The following FBP2 variants were observed in gnomAD, a reference collection of about 807,000 sequenced individuals.
FBP2 encodes the protein fructose-1,6-bisphosphatase isozyme 2.
Under a neutral mutation model 31.6 loss-of-function variants are expected in FBP2, and 27 were observed. The observed-to-expected ratio is 0.85, with a 90% confidence interval of 0.63 to 1.18. The LOEUF (loss-of-function observed/expected upper bound fraction) is 1.18. Ranked by LOEUF, FBP2 falls within the 50% of genes most tolerant of loss-of-function variation. FBP2 has a pLI of 0.00. For synonymous variants in FBP2, 168 were observed against 179.8 expected (o/e 0.93, Z 0.53); for missense variants, 421 against 436.1 (o/e 0.97, Z 0.31).
chr9:94,593,447 A>G (rs991626959), intron 1 of FBP2, 110 bp downstream of exon 1: 10 of 1,006,226 alleles, frequency 9.9e-6, no homozygotes, highest in Non-Finnish European at 9.8e-6. Flanking sequence ...TCTAGGGCAC[A>G]CAGGGCCAAT....
At chr9:94,582,850 C>CTTT (rs1174064928) in intron 3 of FBP2, among the ~76,000 whole-genome samples, 19 of 107,534 alleles carry the variant, frequency 1.8e-4, no homozygotes, top group African/African-American at 3.2e-4. Flanking sequence ...TCCCAGCCCC[C>CTTT]TTTTTTTTTT....
chr9:94,570,191 CT>C (rs1233783983), intron 4 of FBP2: 1 of 152,224 alleles, frequency 6.6e-6, no homozygotes, highest in African/African-American at 2.4e-5. Flanking sequence ...GCCTGGGAAT[CT>C]TTGAATTGGG....
intron 6 of FBP2, among the ~76,000 whole-genome samples, chr9:94,563,120 G>C (rs1291768832): frequency 6.6e-6 from 1 of 152,224 alleles, no homozygotes; most frequent in African/African-American, 2.4e-5. Context: ...GGTAAGACCA[G>C]TGAGAATCAC....
At position 94,570,127 on chromosome 9, in the gene FBP2, CCA is replaced by C. The variant is rs538448106; in HGVS notation, c.567+1333_567+1334del. The C allele has an allele frequency of 4.6e-5, 7 of 152,346 alleles. No homozygotes were observed. In the East Asian group the frequency reaches 1.2e-3, roughly 25 times the overall value. 9.4% of individuals were successfully genotyped at this position (152,346 alleles called of 1,614,324 possible). On this transcript the variant is annotated intron_variant, in intron 4 of 6. Coordinates refer to ENST00000375337, the MANE Select transcript of FBP2 (RefSeq NM_003837.4). ...GACAAGCTCTGGTGCCCACCTATGT[CCA>C]GACTGGGCCCTGCTTTCATGACTGA...
intron 6 of FBP2, among the ~76,000 whole-genome samples, chr9:94,562,561 C>T (rs1276658813): frequency 6.6e-6 from 1 of 152,064 alleles, no homozygotes; most frequent in Non-Finnish European, 1.5e-5. Flanking sequence ...TCTTAGCATT[C>T]GAATAATTCA....
Position 94,590,741 on chromosome 9 carries a change from C to T in FBP2, c.170+2816G>A, listed in dbSNP as rs577448418. 1.1e-3 allele frequency among the ~76,000 whole-genome samples: 173 copies of T among 152,334 alleles called. 1 individual carries two copies. Among genetic ancestry groups the T allele is most frequent in the Non-Finnish European group, 1.3e-3 (87 of 68,034 alleles). Reference sequence around the variant, plus strand: ...AAGAGACCCAAACGGGTTGCCGATGCTGGTTTAGGCAGCCTGCTTTTATTC... The same window carrying T: ...AAGAGACCCAAACGGGTTGCCGATGTTGGTTTAGGCAGCCTGCTTTTATTC... On this transcript the variant is annotated intron_variant, in intron 1 of 6. Transcript: ENST00000375337.
At chr9:94,562,139 G>A (rs1056202107) in intron 6 of FBP2, among the ~76,000 whole-genome samples, 4 of 151,610 alleles carry the variant, frequency 2.6e-5, no homozygotes, top group African/African-American at 4.8e-5. Context: ...GTGAAACCCC[G>A]TCTCTACTAA....
chr9:94,592,078 C>T (rs776300741), intron 1 of FBP2, among the ~76,000 whole-genome samples: 2 of 152,246 alleles, frequency 1.3e-5, no homozygotes, highest in East Asian at 1.9e-4. Flanking sequence ...TAGCAGGGTC[C>T]GCACAGGGAG....
chr9:94,579,050 C>CTCAAAAAAAAA (rs1564185204), intron 3 of FBP2, among the ~76,000 whole-genome samples: 1 of 30,606 alleles, frequency 3.3e-5, no homozygotes, highest in Non-Finnish European at 5.1e-5. Flanking sequence ...GAGACTCTGT[C>CTCAAAAAAAAA]AAAAAAAAAA....
At chr9:94,568,839 T>A (rs892386915) in intron 4 of FBP2, 2 of 152,196 alleles carry the variant, frequency 1.3e-5, no homozygotes, top group Non-Finnish European at 2.9e-5. Flanking sequence ...TAGTCATTAA[T>A]TGCACCCACT....
chr9:94,589,788 G>A (rs577413266), intron 1 of FBP2, among the ~76,000 whole-genome samples: 15 of 142,094 alleles, frequency 1.1e-4, no homozygotes, highest in South Asian at 2.2e-4. Flanking sequence ...GAACCATGAC[G>A]TGAGCAGTCA....
intron 3 of FBP2, among the ~76,000 whole-genome samples, chr9:94,572,450 G>A (rs777521431): frequency 5.9e-5 from 9 of 152,190 alleles, no homozygotes; most frequent in African/African-American, 1.4e-4. Context: ...TGTGATGTAC[G>A]TAGAAGCTTT....
intron 1 of FBP2, among the ~76,000 whole-genome samples, chr9:94,590,469 T>TGC (rs1410141030): frequency 1.4e-5 from 2 of 143,390 alleles, no homozygotes; most frequent in Non-Finnish European, 3.1e-5. Flanking sequence ...TGGTGGTGTG[T>TGC]CCGGAATTGG....
intron 1 of FBP2, among the ~76,000 whole-genome samples, chr9:94,590,457 G>GGTA (rs1587847123): frequency 4.6e-4 from 1 of 2,164 alleles, no homozygotes; most frequent in African/African-American, 5.8e-3. Context: ...CCCCTGCCTG[G>GGTA]GTGGTGGTGT....
At chr9:94,591,231 C>T (rs1827497639) in intron 1 of FBP2, among the ~76,000 whole-genome samples, 1 of 152,252 alleles carries the variant, frequency 6.6e-6, no homozygotes, top group Non-Finnish European at 1.5e-5. Context: ...CGCACAGGAG[C>T]CCATGGAGTG....
chr9:94,559,411 C>T (rs1451424655), intron 6 of FBP2, among the ~76,000 whole-genome samples: 2 of 152,180 alleles, frequency 1.3e-5, no homozygotes, highest in Non-Finnish European at 2.9e-5. Context: ...AGACCTGCCT[C>T]TTGACTTGGA....
chr9:94,581,137 A>T (rs545839919), intron 3 of FBP2, among the ~76,000 whole-genome samples: 10 of 152,334 alleles, frequency 6.6e-5, no homozygotes, highest in East Asian at 5.8e-4. Context: ...GGCTTATGAT[A>T]CTTTAAAACA....
At chr9:94,573,244 A>G (rs1432231974) in intron 3 of FBP2, among the ~76,000 whole-genome samples, 1 of 152,102 alleles carries the variant, frequency 6.6e-6, no homozygotes, top group Non-Finnish European at 1.5e-5. Flanking sequence ...CTCCTCCTCT[A>G]TTTCTTGTTT....
chr9:94,565,770 TGATAGATA>T (rs34303194), intron 5 of FBP2, among the ~76,000 whole-genome samples: 50,051 of 148,002 alleles, frequency 0.34, 8,451 homozygotes, highest in African/African-American at 0.39. Context: ...GATACATAGA[TGATAGATA>T]GATAGATAGA....
Sources: gnomAD v4.1 joint callset for allele counts (sites outside exome capture counted in the v4.1 genomes callset) on GRCh38, gnomAD v4.1.1 for gene constraint, MANE v1.5 for transcripts, NCBI Gene and HGNC (gene_info 2026-07-23, HGNC 2026-07-21) for gene names.